The following MR1 variants were observed in gnomAD, a reference collection of about 807,000 sequenced individuals.
The protein encoded by MR1 is major histocompatibility complex, class I-related.
MR1 carries 44 observed loss-of-function variants against 37.8 expected under a neutral mutation model. That is an observed-to-expected ratio of 1.16 (90% CI 0.91 to 1.50). The LOEUF (loss-of-function observed/expected upper bound fraction) is 1.50, where lower values mean the gene tolerates loss of function less well. Among genes scored for constraint, MR1 ranks in the 40% most tolerant of loss-of-function variants. MR1 has a pLI of 0.00. For missense variants in MR1, 386 were observed against 419.1 expected, an observed-to-expected ratio of 0.92 and a Z score of 0.69; for synonymous variants, 153 against 155.8, an observed-to-expected ratio of 0.98 and a Z score of 0.13.
Position 181,052,252 on chromosome 1 carries a change from G to C in MR1, c.622G>C (p.Val208Leu), listed in dbSNP as rs146370833. The C allele has an allele frequency of 9.9e-6, 16 of 1,614,176 alleles. No individual in the cohort carries two copies. The East Asian group carries it at 3.6e-4, about 36-fold the overall frequency. Residue 208 changes from valine (V) to leucine (L), a missense_variant, in exon 4 of 6, where the codon GTA becomes CTA. Physicochemically the swap from Val to Leu is conservative, Grantham distance 32. Transcript: ENST00000367580. The stretch of plus-strand genomic sequence containing the variant: ...CTTCCTAGAGCCCCCACTGGTCAGA[G>C]TAAATCGCAAAGAAACTTTTCCAGG... ...LQRTEPPLVR[V>L]NRKETFPGVT...
At chr1:181,037,954 A>G (rs1397588444) in intron 1 of MR1, among the ~76,000 whole-genome samples, 1 of 151,918 alleles carries the variant, frequency 6.6e-6, no homozygotes, top group Non-Finnish European at 1.5e-5. Context: ...CCTCTATCTA[A>G]AAGATCAGGC....
chr1:181,048,979 G>A lies in MR1; in HGVS notation c.68-73G>A, dbSNP rs527983454. ...GCTGAGTAGGGAGCACTCGTGTGGG[G>A]CTAAATGAATGCAGTTGAAGGATCT... On this transcript the variant is annotated intron_variant, in intron 1 of 5. Transcript: ENST00000367580. The A allele has an allele frequency of 2.9e-5, 45 of 1,553,358 alleles. No individual in the cohort carries two copies. In the African/African-American group the frequency reaches 6.0e-4, roughly 21 times the overall value.
Position 181,053,462 on chromosome 1 carries a change from G to A in MR1, c.881-111G>A. On this transcript the variant is annotated intron_variant, in intron 4 of 5. Transcript: ENST00000367580. The stretch of plus-strand genomic sequence containing the variant: ...TCAGATTGATGAGTGAGAAGCAACA[G>A]TAAGGAAAATGGTGTTGGGTTTCCT... The A allele has an allele frequency of 6.9e-6, 5 of 722,128 alleles. No individual in the cohort carries two copies. In the South Asian group the frequency reaches 8.5e-5, roughly 12 times the overall value. The allele number at this position is 722,128 out of a possible 1,614,324, so 44.7% of individuals were successfully genotyped here. A position where few individuals can be genotyped will look rare whatever the true frequency, so the allele number is the denominator to read the frequency against.
In MR1 at chr1:181,057,635, T is replaced by C. The variant is rs1658688251; in HGVS notation, c.*2370T>C. On this transcript the variant is annotated 3_prime_UTR_variant, in exon 6 of 6. Coordinates refer to ENST00000367580, the MANE Select transcript of MR1 (RefSeq NM_001385161.1). ...GGACAAGGATGTGATGACAAAACAT[T>C]CTGTTATGCACTTGTAGCATTTATG... 6.6e-6 allele frequency: 1 copy of C among 152,166 alleles called. No homozygotes were observed. Among genetic ancestry groups the C allele is most frequent in the African/African-American group, 2.4e-5 (1 of 41,432 alleles). The allele number at this position is 152,166 out of a possible 1,614,324, so 9.4% of individuals were successfully genotyped here.
chr1:181,052,080 A>G (rs1185444833), intron 3 of MR1, among the ~76,000 whole-genome samples, 155 bp from the exon 4 acceptor site: 1 of 152,180 alleles, frequency 6.6e-6, no homozygotes. Context: ...GTATACGTAA[A>G]TACGTTTGTT....
At chr1:181,047,255 T>G (rs1657936845) in intron 1 of MR1, among the ~76,000 whole-genome samples, 1 of 151,580 alleles carries the variant, frequency 6.6e-6, no homozygotes, top group Non-Finnish European at 1.5e-5. Context: ...AATAAGAAAA[T>G]GGTTAACAGC....
intron 1 of MR1, among the ~76,000 whole-genome samples, chr1:181,035,601 G>T (rs907082170): frequency 6.6e-6 from 1 of 152,062 alleles, no homozygotes; most frequent in Non-Finnish European, 1.5e-5. Context: ...GATTCTCAAA[G>T]AACTCTCCAA....
chr1:181,052,558 G>A lies in MR1; in HGVS notation c.880+48G>A, dbSNP rs764455752. 5 of 1,585,394 alleles carry A rather than the reference G, an allele frequency of 3.2e-6. No individual in the cohort carries two copies. In the African/African-American group the frequency reaches 4.0e-5, roughly 13 times the overall value. On this transcript the variant is annotated intron_variant, in intron 4 of 5. Transcript: ENST00000367580. ...TCTAGGGAGAGAGCCTGGAGAAAGG[G>A]GTGAGCAGGAAACCATGCTCGCTGC...
At chr1:181,043,961 CTTTT>C (rs11347634) in intron 1 of MR1, among the ~76,000 whole-genome samples, 1 of 98,190 alleles carries the variant, frequency 1.0e-5, no homozygotes, top group Non-Finnish European at 2.0e-5. Flanking sequence ...TTTGTCTGAT[CTTTT>C]TTTTTTTTTT....
intron 1 of MR1, among the ~76,000 whole-genome samples, chr1:181,044,547 C>T (rs1158495378): frequency 1.3e-5 from 2 of 152,178 alleles, no homozygotes; most frequent in African/African-American, 4.8e-5. Context: ...TCCTTTCCCA[C>T]AGAGCGAGGA....
intron 1 of MR1, among the ~76,000 whole-genome samples, chr1:181,042,634 T>A (rs1229780628): frequency 6.6e-6 from 1 of 151,636 alleles, no homozygotes; most frequent in Non-Finnish European, 1.5e-5. Context: ...AAAACCCGTC[T>A]ATACTAAAAA....
chr1:181,050,445 G>T, intron 3 of MR1, 159 bp downstream of exon 3: 1 of 896,306 alleles, frequency 1.1e-6, no homozygotes, highest in Non-Finnish European at 1.7e-6. Context: ...ACTTTCCCTG[G>T]TTACTTTTGA....
chr1:181,037,861 G>A (rs1042922875), intron 1 of MR1, among the ~76,000 whole-genome samples: 17 of 152,220 alleles, frequency 1.1e-4, no homozygotes, highest in East Asian at 9.6e-4. Context: ...TCATTCATTC[G>A]TTTTCCAAAA....
intron 1 of MR1, among the ~76,000 whole-genome samples, chr1:181,041,172 A>G (rs141079604): frequency 1.7e-4 from 26 of 152,328 alleles, no homozygotes; most frequent in African/African-American, 4.6e-4. Context: ...ATTTCTCTCT[A>G]TCTACCTCTT....
At chr1:181,052,666 A>G (rs1370380320) in intron 4 of MR1, among the ~76,000 whole-genome samples, 156 bp downstream of exon 4, 1 of 152,184 alleles carries the variant, frequency 6.6e-6, no homozygotes, top group Non-Finnish European at 1.5e-5. Context: ...CACTTTTTGG[A>G]ACCAGGACGC....
chr1:181,050,477 A>T lies in MR1; in HGVS notation c.604+191A>T, dbSNP rs187308863. On this transcript the variant is annotated intron_variant, in intron 3 of 5. Coordinates refer to ENST00000367580, the MANE Select transcript of MR1 (RefSeq NM_001385161.1). ...TTGAGCAGCATCTTGACAAGATTTG[A>T]CAGTTCCCCTTGTCTTGACAGAGTG... 1.3e-5 allele frequency: 9 copies of T among 671,072 alleles called. No individual in the cohort carries two copies. The East Asian group carries it at 2.6e-4, about 19-fold the overall frequency. The allele number at this position is 671,072 out of a possible 1,614,324, so 41.6% of individuals were successfully genotyped here. A position where few individuals can be genotyped will look rare whatever the true frequency, so the allele number is the denominator to read the frequency against.
At position 181,049,618 on chromosome 1, in the gene MR1, T is replaced by C. The variant is rs1007526703; in HGVS notation, c.328+306T>C. 1.8e-5 allele frequency: 9 copies of C among 500,238 alleles called. No homozygotes were observed. In the South Asian group the frequency reaches 1.8e-4, roughly 10 times the overall value. The allele number at this position is 500,238 out of a possible 1,614,324, so 31.0% of individuals were successfully genotyped here. A position where few individuals can be genotyped will look rare whatever the true frequency, so the allele number is the denominator to read the frequency against. On this transcript the variant is annotated intron_variant, in intron 2 of 5. Transcript: ENST00000367580. ...CCTTTTCCATTCTAAATTTGCCCAT[T>C]CTGCGTCTCACTTCCTGGTAGTCAG...
rs201713500 is a variant in MR1 at position 181,050,007 on chromosome 1, C to T, written c.329-4C>T. 1.2e-6 allele frequency: 2 copies of T among 1,611,090 alleles called. No individual in the cohort carries two copies. Among genetic ancestry groups the T allele is most frequent in the East Asian group, 4.5e-5 (2 of 44,884 alleles). ...ACCCCTCTGGGCTTCTGTGTGTGTT[C>T]CAGGGTCTCACACTTACCAGAGAAT... is the stretch of plus-strand genomic sequence containing the variant. On this transcript the variant is annotated splice_polypyrimidine_tract_variant and splice_region_variant and intron_variant, in intron 2 of 5. Coordinates refer to ENST00000367580, the MANE Select transcript of MR1 (RefSeq NM_001385161.1).
At chr1:181,040,850 A>G (rs530822598) in intron 1 of MR1, among the ~76,000 whole-genome samples, 1 of 152,036 alleles carries the variant, frequency 6.6e-6, no homozygotes, top group South Asian at 2.1e-4. Flanking sequence ...TTGGGAGGCC[A>G]AGGCAGGGGG....
Sources: gnomAD v4.1 joint callset for allele counts (sites outside exome capture counted in the v4.1 genomes callset) on GRCh38, gnomAD v4.1.1 for gene constraint, MANE v1.5 for transcripts, NCBI Gene and HGNC (gene_info 2026-07-23, HGNC 2026-07-21) for gene names.